The following SOBP variants were observed in gnomAD, a reference collection of about 807,000 sequenced individuals.
SOBP encodes the protein sine oculis binding protein homolog.
Under a neutral mutation model 53.6 loss-of-function variants are expected in SOBP, and 4 were observed. The observed-to-expected ratio is 0.07, with a 90% CI of 0.04 to 0.17. The LOEUF (loss-of-function observed/expected upper bound fraction) is 0.17. SOBP is among the 10% of genes least tolerant of loss of function. The pLI, the probability that SOBP is intolerant of heterozygous loss-of-function variation, is 1.00. For synonymous variants in SOBP, 584 were observed against 522.6 expected (o/e 1.12, Z -1.60); for missense variants, 1,088 against 1,204.7 (o/e 0.90, Z 1.43).
intron 3 of SOBP, among the ~76,000 whole-genome samples, chr6:107,526,925 C>A (rs1783681687): frequency 1.3e-5 from 2 of 152,072 alleles, no homozygotes; most frequent in African/African-American, 2.4e-5. Flanking sequence ...TATTTAAATT[C>A]TTGAAATAAC....
At chr6:107,626,766 G>A (rs1056624009) in intron 5 of SOBP, among the ~76,000 whole-genome samples, 2 of 150,486 alleles carry the variant, frequency 1.3e-5, no homozygotes, top group African/African-American at 2.4e-5. Context: ...TAGGAGGCAC[G>A]TTTTCCATGT....
chr6:107,656,736 T>C (rs846982), intron 6 of SOBP, among the ~76,000 whole-genome samples: 149,032 of 152,302 alleles, frequency 0.98, 72,948 homozygotes, highest in East Asian at 1. Context: ...ATTCATGTTA[T>C]AAACACTCCA....
chr6:107,490,372 C>A lies in SOBP; in HGVS notation c.-245C>A. On this transcript the variant is annotated 5_prime_UTR_variant, in exon 1 of 7. Coordinates refer to ENST00000317357, the MANE Select transcript of SOBP (RefSeq NM_018013.4). Reference sequence around the variant, plus strand: ...GCAGCAGGAGCCGGAGCGACGGCGGCGGCATCCCCGAGACTCTCCGCACTA... The same window carrying A: ...GCAGCAGGAGCCGGAGCGACGGCGGAGGCATCCCCGAGACTCTCCGCACTA... The A allele has an allele frequency of 5.4e-6, 1 of 186,404 alleles. No homozygotes were observed. The highest frequency in any genetic ancestry group is 1.1e-5 in the Non-Finnish European group (1 of 92,250). 11.5% of individuals were successfully genotyped at this position (186,404 alleles called of 1,614,324 possible).
chr6:107,583,196 C>G (rs1266879862), intron 4 of SOBP, among the ~76,000 whole-genome samples: 2 of 152,242 alleles, frequency 1.3e-5, no homozygotes, highest in African/African-American at 4.8e-5. Context: ...AATGATCCAA[C>G]TCATTCTTAC....
intron 5 of SOBP, among the ~76,000 whole-genome samples, chr6:107,613,073 C>T (rs985497078): frequency 1.2e-4 from 19 of 152,180 alleles, no homozygotes; most frequent in African/African-American, 4.6e-4. Context: ...TATCAGCAGT[C>T]TGTCTTTTAA....
chr6:107,508,446 G>A (rs1489554593), intron 3 of SOBP, among the ~76,000 whole-genome samples: 1 of 152,106 alleles, frequency 6.6e-6, no homozygotes, highest in African/African-American at 2.4e-5. Context: ...AGGCGTGTTG[G>A]CAGGCACCTG....
intron 4 of SOBP, among the ~76,000 whole-genome samples, chr6:107,562,889 G>A (rs9320221): frequency 0.088 from 13,466 of 152,188 alleles, 1,490 homozygotes; most frequent in African/African-American, 0.26. Context: ...AGATGAAGTA[G>A]GTAAGGTAAA....
intron 4 of SOBP, among the ~76,000 whole-genome samples, chr6:107,552,273 C>T (rs1004585833): frequency 6.6e-6 from 1 of 152,116 alleles, no homozygotes; most frequent in Admixed American, 6.5e-5. Flanking sequence ...CACAAAATGG[C>T]CAGTGGCTCC....
chr6:107,607,576 A>G (rs1034351428), intron 5 of SOBP, among the ~76,000 whole-genome samples: 1 of 152,216 alleles, frequency 6.6e-6, no homozygotes, highest in Non-Finnish European at 1.5e-5. Context: ...AGCATATGCT[A>G]GCACTTATCA....
intron 1 of SOBP, among the ~76,000 whole-genome samples, chr6:107,491,539 T>C (rs1459791397): frequency 6.6e-6 from 1 of 152,252 alleles, no homozygotes; most frequent in Non-Finnish European, 1.5e-5. Context: ...GTTAGAGCAA[T>C]TGCACAAGAG....
At position 107,634,888 on chromosome 6, in the gene SOBP, C is replaced by T. The variant is rs1412564407; in HGVS notation, c.2044C>T (p.Pro682Ser). The T allele has an allele frequency of 4.5e-6, 6 of 1,321,584 alleles. No individual in the cohort carries two copies. The highest frequency in any genetic ancestry group is 5.8e-6 in the Non-Finnish European group (6 of 1,026,310). The allele number at this position is 1,321,584 out of a possible 1,614,324, so 81.9% of individuals were successfully genotyped here. A position where few individuals can be genotyped will look rare whatever the true frequency, so the allele number is the denominator to read the frequency against. The change falls in exon 6 of 7, where the codon CCG becomes TCG. Residue 682 changes from proline to serine, a missense_variant. By Grantham distance (74) the Pro-to-Ser change is moderately conservative (BLOSUM62 -1). This residue lies in a region of SOBP where 665 missense variants were observed against 629.7 expected (regional missense o/e 1.06). Coordinates refer to ENST00000317357, the MANE Select transcript of SOBP (RefSeq NM_018013.4). This position sits in a 1 kb window ranked among gnomAD's most constrained non-coding sequence, Gnocchi z 4.5. ...LHAHVKAEREPSAAERRTCGG... is the reference protein window; with the variant it reads ...LHAHVKAERESSAAERRTCGG... ...CGCGCACGTCAAGGCGGAGCGCGAGCCGAGCGCCGCGGAGCGCAGGACCTG... is the reference window on the plus strand; with the variant it reads ...CGCGCACGTCAAGGCGGAGCGCGAGTCGAGCGCCGCGGAGCGCAGGACCTG...
Position 107,554,028 on chromosome 6 carries a change from AG to A in SOBP, c.573+20419del, listed in dbSNP as rs552520691. 1.6e-3 allele frequency among the ~76,000 whole-genome samples: 251 copies of A among 152,298 alleles called. 1 individual carries two copies. The highest frequency in any genetic ancestry group is 2.6e-3 in the Non-Finnish European group (179 of 68,022). On this transcript the variant is annotated intron_variant, in intron 4 of 6. Coordinates refer to ENST00000317357, the MANE Select transcript of SOBP (RefSeq NM_018013.4). ...GAAGGTTTTCTGACATGTGCAGCCT[AG>A]AATGGAGGTTGGGACAGGTGGAGGT...
In SOBP at chr6:107,658,296, A is replaced by C. The variant is rs1583320491; in HGVS notation, c.*93A>C. On this transcript the variant is annotated 3_prime_UTR_variant, in exon 7 of 7. Coordinates refer to ENST00000317357, the MANE Select transcript of SOBP (RefSeq NM_018013.4). The stretch of plus-strand genomic sequence containing the variant: ...AATGACACCAGCTGGTCAGCTCACC[A>C]CCCCCTCTGGCTAAAACTCAAGCAA... 6.6e-6 allele frequency: 1 copy of C among 152,494 alleles called. No individual in the cohort carries two copies. The highest frequency in any genetic ancestry group is 1.9e-4 in the East Asian group (1 of 5,180). 9.4% of individuals were successfully genotyped at this position (152,494 alleles called of 1,614,324 possible). A position where few individuals can be genotyped will look rare whatever the true frequency, so the allele number is the denominator to read the frequency against.
chr6:107,616,088 G>GGC (rs1344920545), intron 5 of SOBP, among the ~76,000 whole-genome samples: 1 of 129,172 alleles, frequency 7.7e-6, no homozygotes, highest in Non-Finnish European at 1.6e-5. Flanking sequence ...GGGGGGTGGG[G>GGC]GGGGGGCGGG....
intron 5 of SOBP, among the ~76,000 whole-genome samples, chr6:107,590,715 C>T (rs951629908): frequency 1.3e-5 from 2 of 152,216 alleles, no homozygotes; most frequent in African/African-American, 4.8e-5. Flanking sequence ...ATGAAAACTA[C>T]TTTAGTTTTA....
intron 4 of SOBP, among the ~76,000 whole-genome samples, chr6:107,573,731 A>G (rs1004328371): frequency 7.4e-5 from 11 of 149,462 alleles, no homozygotes; most frequent in African/African-American, 2.0e-4. Context: ...GCCTGCTAAC[A>G]AGAGTATTTT....
At chr6:107,553,355 G>A (rs1784520510) in intron 4 of SOBP, among the ~76,000 whole-genome samples, 1 of 149,592 alleles carries the variant, frequency 6.7e-6, no homozygotes, top group Non-Finnish European at 1.5e-5. Flanking sequence ...TTGAGACAGA[G>A]TCTCACTGTG....
rs148157677 is a variant in SOBP, at chr6:107,591,602, T to G, written c.669+4427T>G. On this transcript the variant is annotated intron_variant, in intron 5 of 6. Transcript: ENST00000317357. ...TGGGCCAGGTGCACTGCACCCAGGT[T>G]AGTATATAGGTTGGCCAAGTGTAGA... Among the ~76,000 whole-genome samples, 359 of 152,198 alleles carry G rather than the reference T, an allele frequency of 2.4e-3. 3 individuals are homozygous for G. The highest frequency in any genetic ancestry group is 8.3e-3 in the African/African-American group (344 of 41,514).
chr6:107,620,004 C>T (rs928405266), intron 5 of SOBP, among the ~76,000 whole-genome samples: 2 of 152,124 alleles, frequency 1.3e-5, no homozygotes, highest in African/African-American at 4.8e-5. Flanking sequence ...CTGGGTGAGA[C>T]TTTTGGTCTT....
Sources: allele counts gnomAD v4.1 joint callset (sites outside exome capture counted in the v4.1 genomes callset), GRCh38; gene constraint gnomAD v4.1.1; regional missense constraint gnomAD v4.1.1; non-coding constraint Gnocchi (gnomAD v3.1); transcripts MANE v1.5; gene names NCBI Gene and HGNC (gene_info 2026-07-23, HGNC 2026-07-21).